ANTXR2: variants seen among roughly 807,000 people sequenced by gnomAD.
ANTXR2 encodes the protein anthrax toxin receptor 2.
In ANTXR2, 44 loss-of-function variants were observed where a neutral mutation model predicts 73.7. The observed-to-expected ratio is 0.60, with a 90% CI of 0.47 to 0.77. The LOEUF (loss-of-function observed/expected upper bound fraction) is 0.77, where lower values mean the gene tolerates loss of function less well. Among genes scored for constraint, ANTXR2 ranks in the 30% least tolerant of loss-of-function variants. ANTXR2 has a pLI of 0.00. For synonymous variants in ANTXR2, 217 were observed against 205.9 expected (o/e 1.05, Z -0.46); for missense variants, 604 against 592.5 (o/e 1.02, Z -0.20).
Position 79,983,884 on chromosome 4 carries a change from T to A in ANTXR2, c.1173A>T (p.Arg391Ser). ...TTTTTTTTAAGATACCAACCTCCAT[T>A]CTTTTAATTCCTCCAACCCCTCGAC... is the stretch of plus-strand genomic sequence containing the variant. ...YGGRGVGGIK[R>S]MEVRWGDKGS... Residue 391 changes from arginine (R) to serine (S), a missense_variant, in exon 14 of 17, where the codon AGA becomes AGT. Physicochemically the swap from Arg to Ser is moderately radical, Grantham distance 110. Transcript: ENST00000403729. 18 of 1,611,232 alleles carry A rather than the reference T, an allele frequency of 1.1e-5. No individual in the cohort carries two copies. Among genetic ancestry groups the A allele is most frequent in the Non-Finnish European group, 1.4e-5 (16 of 1,178,080 alleles).
At chr4:79,916,306 C>A (rs1727353007) in intron 16 of ANTXR2, among the ~76,000 whole-genome samples, 1 of 151,932 alleles carries the variant, frequency 6.6e-6, no homozygotes. Flanking sequence ...ATATAGATAT[C>A]TATAAAAATC....
At chr4:80,000,383 G>T (rs1421646576) in intron 12 of ANTXR2, among the ~76,000 whole-genome samples, 3 of 151,828 alleles carry the variant, frequency 2.0e-5, no homozygotes, top group South Asian at 2.1e-4. Context: ...TAGCAAAAAG[G>T]TACTCTATTT....
At chr4:80,031,965 CT>C (rs771894077) in intron 9 of ANTXR2, among the ~76,000 whole-genome samples, 3 of 151,528 alleles carry the variant, frequency 2.0e-5, no homozygotes, top group Non-Finnish European at 4.4e-5. Flanking sequence ...AATATATTTT[CT>C]CTTAAATTTT....
intron 16 of ANTXR2, among the ~76,000 whole-genome samples, chr4:79,926,882 T>TATATGTGTGTATATACACATGTGTGC (rs1560866544): frequency 4.6e-5 from 3 of 65,700 alleles, no homozygotes; most frequent in Non-Finnish European, 6.9e-5. Context: ...TATGTGTGTA[T>TATATGTGTGTATATACACATGTGTGC]ATATATGTGT....
At chr4:79,984,532 A>G (rs1236107826) in intron 13 of ANTXR2, among the ~76,000 whole-genome samples, 1 of 152,216 alleles carries the variant, frequency 6.6e-6, no homozygotes, top group Non-Finnish European at 1.5e-5. Context: ...TGTCAATAAC[A>G]TAAGTGATAT....
At chr4:79,992,428 T>C (rs935983813) in intron 12 of ANTXR2, among the ~76,000 whole-genome samples, 3 of 151,886 alleles carry the variant, frequency 2.0e-5, no homozygotes, top group African/African-American at 7.2e-5. Flanking sequence ...TAAATAGTAA[T>C]TAAATTTGAA....
intron 7 of ANTXR2, among the ~76,000 whole-genome samples, chr4:80,041,871 A>G (rs989435807): frequency 1.3e-5 from 2 of 152,056 alleles, no homozygotes; most frequent in Admixed American, 6.6e-5. Flanking sequence ...TCTATCATTG[A>G]TGGGCAACTG....
chr4:79,992,889 A>C (rs1730538139), intron 12 of ANTXR2, among the ~76,000 whole-genome samples: 1 of 152,054 alleles, frequency 6.6e-6, no homozygotes, highest in Admixed American at 6.6e-5. Context: ...TTCTCACTTC[A>C]AATGACTTTA....
At chr4:79,997,725 A>G (rs529675020) in intron 12 of ANTXR2, among the ~76,000 whole-genome samples, 4 of 152,118 alleles carry the variant, frequency 2.6e-5, no homozygotes, top group African/African-American at 9.6e-5. Context: ...TGGACAATAA[A>G]TATAATTTAG....
intron 3 of ANTXR2, among the ~76,000 whole-genome samples, chr4:80,065,115 C>T (rs1734435062): frequency 6.6e-6 from 1 of 152,156 alleles, no homozygotes; most frequent in Admixed American, 6.5e-5. Context: ...GTATTTTGCA[C>T]ACTGCCTGGT....
chr4:80,035,849 C>A, intron 8 of ANTXR2, 123 bp downstream of exon 8: 1 of 775,280 alleles, frequency 1.3e-6, no homozygotes, highest in Non-Finnish European at 2.1e-6. Flanking sequence ...AATTCTTACA[C>A]AAAAAAGATG....
chr4:80,051,220 T>C (rs572870087), intron 7 of ANTXR2, among the ~76,000 whole-genome samples: 5 of 151,898 alleles, frequency 3.3e-5, no homozygotes, highest in African/African-American at 1.2e-4. Flanking sequence ...CGTTATAAGA[T>C]TATTTCTTAT....
intron 11 of ANTXR2, among the ~76,000 whole-genome samples, chr4:80,014,236 T>A (rs1461338115): frequency 6.6e-6 from 1 of 152,144 alleles, no homozygotes; most frequent in African/African-American, 2.4e-5. Context: ...TTCTTCTAAC[T>A]GTGGGTCTTG....
intron 16 of ANTXR2, among the ~76,000 whole-genome samples, chr4:79,912,830 G>T (rs190917181): frequency 6.6e-6 from 1 of 151,810 alleles, no homozygotes; most frequent in Non-Finnish European, 1.5e-5. Flanking sequence ...CTATTCTACA[G>T]CCATTAAAAT....
intron 13 of ANTXR2, among the ~76,000 whole-genome samples, chr4:79,984,404 A>G (rs190873293): frequency 2.1e-3 from 325 of 152,318 alleles, no homozygotes; most frequent in African/African-American, 7.7e-3. Context: ...AATATACAAC[A>G]CCAGCACATT....
intron 3 of ANTXR2, among the ~76,000 whole-genome samples, chr4:80,066,328 A>T (rs1734493822): frequency 6.6e-6 from 1 of 152,212 alleles, no homozygotes; most frequent in Non-Finnish European, 1.5e-5. Context: ...CAAGTTTCCA[A>T]ATCAGTCAGT....
intron 16 of ANTXR2, among the ~76,000 whole-genome samples, chr4:79,913,488 A>C (rs939989624): frequency 8.5e-5 from 13 of 152,170 alleles, no homozygotes; most frequent in Non-Finnish European, 1.8e-4. Context: ...TGCATGCTGG[A>C]GTTCATTACA....
At chr4:79,990,383 C>CAAAAAAAAAAAAAAAAAAAA (rs70944757) in intron 12 of ANTXR2, among the ~76,000 whole-genome samples, 7 of 76,906 alleles carry the variant, frequency 9.1e-5, no homozygotes, top group Non-Finnish European at 1.7e-4. Flanking sequence ...ACAACAGTTA[C>CAAAAAAAAAAAAAAAAAAAA]AAAAAAAAAA....
Position 80,008,537 on chromosome 4 carries a change from G to T in ANTXR2, c.1025C>A (p.Pro342His). Reference sequence around the variant, plus strand: ...CTTACTCACCACTTTGCAGCAAAGGGGCCAAAACCACCACATCAAACCGAT... The same window carrying T: ...CTTACTCACCACTTTGCAGCAAAGGTGCCAAAACCACCACATCAAACCGAT... ...LGIGLMWWFW[P>H]LCCKVVIKDP... Residue 342 changes from proline to histidine, a missense_variant, in exon 12 of 17, where the codon CCC becomes CAC. Coordinates refer to ENST00000403729, the MANE Select transcript of ANTXR2 (RefSeq NM_058172.6). The T allele has an allele frequency of 6.2e-7, 1 of 1,607,436 alleles. No homozygotes were observed. The highest frequency in any genetic ancestry group is 1.1e-5 in the South Asian group (1 of 89,754).
Sources: allele counts gnomAD v4.1 joint callset (sites outside exome capture counted in the v4.1 genomes callset), GRCh38; gene constraint gnomAD v4.1.1; transcripts MANE v1.5; gene names NCBI Gene and HGNC (gene_info 2026-07-23, HGNC 2026-07-21).